PRR14L: variants seen among roughly 807,000 people sequenced by gnomAD.
PRR14L encodes proline rich 14 like.
PRR14L carries 80 observed loss-of-function variants against 155.0 expected under a neutral mutation model. The observed-to-expected ratio is 0.52, with a 90% confidence interval of 0.43 to 0.62. PRR14L has a LOEUF of 0.62. PRR14L is among the 20% of genes least tolerant of loss of function. The probability of loss-of-function intolerance (pLI) is 0.00; values close to 1 mark genes in which losing one functional copy is unlikely to be tolerated. For synonymous variants in PRR14L, 883 were observed against 916.0 expected (o/e 0.96, Z 0.65); for missense variants, 2,469 against 2,548.0 (o/e 0.97, Z 0.67).
chr22:31,746,072 G>C (rs565456958), intron 1 of PRR14L, among the ~76,000 whole-genome samples: 45 of 151,992 alleles, frequency 3.0e-4, no homozygotes, highest in African/African-American at 1.0e-3. Flanking sequence ...CAGGACTACA[G>C]GCGCGAGGCA....
At chr22:31,719,190 C>G (rs1046997683) in intron 3 of PRR14L, among the ~76,000 whole-genome samples, 2 of 151,944 alleles carry the variant, frequency 1.3e-5, no homozygotes, top group Admixed American at 6.6e-5. Flanking sequence ...AATGCTTGAG[C>G]CCAGAAGTTT....
chr22:31,720,718 CAGTG>C (rs1339567153), intron 3 of PRR14L, among the ~76,000 whole-genome samples: 1 of 152,128 alleles, frequency 6.6e-6, no homozygotes, highest in Non-Finnish European at 1.5e-5. Context: ...CTGGGCGACA[CAGTG>C]AGAACCCATC....
intron 2 of PRR14L, among the ~76,000 whole-genome samples, chr22:31,733,424 C>T (rs2074761668): frequency 3.7e-5 from 5 of 135,310 alleles, no homozygotes. Context: ...CCCGCCTCAG[C>T]CTCCCAAGTA....
intron 2 of PRR14L, among the ~76,000 whole-genome samples, chr22:31,733,565 G>A (rs547301010): frequency 2.5e-4 from 38 of 151,970 alleles, no homozygotes; most frequent in Non-Finnish European, 4.7e-4. Flanking sequence ...TCGGCCCCCC[G>A]AAGCGCTAGG....
At position 31,717,089 on chromosome 22, in the gene PRR14L, A is replaced by G; in HGVS notation, c.750T>C (p.Val250=). ...SDEVSETSTL[V]TPEPLTFVDP... ...CCACAAAGGTTAAAGGTTCTGGGGTAACTAATGTGCTGGTTTCTGAAACCT... is the reference window on the plus strand; with the variant it reads ...CCACAAAGGTTAAAGGTTCTGGGGTGACTAATGTGCTGGTTTCTGAAACCT... The change falls in exon 4 of 9, where the codon GTT becomes GTC. Residue 250 remains valine (V), a synonymous_variant. Transcript: ENST00000327423. 1.3e-6 allele frequency: 2 copies of G among 1,552,038 alleles called. No homozygotes were observed. The highest frequency in any genetic ancestry group is 1.7e-6 in the Non-Finnish European group (2 of 1,147,012).
intron 2 of PRR14L, among the ~76,000 whole-genome samples, chr22:31,734,755 C>T (rs1299030117): frequency 2.0e-5 from 3 of 152,142 alleles, no homozygotes; most frequent in African/African-American, 4.8e-5. Flanking sequence ...AGTGTGAATA[C>T]TTATCCATGA....
At chr22:31,688,013 C>G in intron 8 of PRR14L, 143 bp downstream of exon 8, 1 of 753,106 alleles carries the variant, frequency 1.3e-6, no homozygotes. Flanking sequence ...GCCTGGGCGA[C>G]AGAGACTCTG....
intron 4 of PRR14L, 115 bp from the exon 5 acceptor site, chr22:31,704,841 A>G: frequency 2.9e-6 from 2 of 691,058 alleles, no homozygotes; most frequent in Non-Finnish European, 5.0e-6. Context: ...AAGAAATGTC[A>G]GTTACTCAGA....
intron 1 of PRR14L, among the ~76,000 whole-genome samples, chr22:31,740,084 A>T (rs1432502933): frequency 6.6e-6 from 1 of 151,904 alleles, no homozygotes; most frequent in East Asian, 1.9e-4. Context: ...TTTTTTAGAC[A>T]GGATCTTGCT....
At chr22:31,724,844 A>G (rs1035009679) in intron 3 of PRR14L, among the ~76,000 whole-genome samples, 2 of 152,206 alleles carry the variant, frequency 1.3e-5, no homozygotes, top group Non-Finnish European at 2.9e-5. Context: ...CCAACCTAAA[A>G]GTAATAATCT....
chr22:31,704,234 AT>A (rs1174840573), intron 5 of PRR14L, among the ~76,000 whole-genome samples: 3 of 152,212 alleles, frequency 2.0e-5, no homozygotes, highest in Non-Finnish European at 4.4e-5. Flanking sequence ...TGTGTAATCC[AT>A]TTTATTGCTA....
At chr22:31,742,075 T>A (rs1325667228) in intron 1 of PRR14L, among the ~76,000 whole-genome samples, 2 of 152,168 alleles carry the variant, frequency 1.3e-5, no homozygotes, top group African/African-American at 4.8e-5. Context: ...GTGCTCAATT[T>A]TAATTTGGTT....
chr22:31,691,683 A>T (rs2074512525), intron 7 of PRR14L, among the ~76,000 whole-genome samples: 1 of 152,064 alleles, frequency 6.6e-6, no homozygotes. Context: ...TTCATAGTTA[A>T]CTCCTGTTGT....
At chr22:31,707,684 C>T (rs914977820) in intron 4 of PRR14L, among the ~76,000 whole-genome samples, 117 of 152,042 alleles carry the variant, frequency 7.7e-4, no homozygotes, top group Admixed American at 6.6e-5. Context: ...TGCACCTGGC[C>T]GGAAGTAACA....
chr22:31,730,159 G>A (rs1194320437), intron 2 of PRR14L, among the ~76,000 whole-genome samples: 2 of 149,906 alleles, frequency 1.3e-5, no homozygotes, highest in Non-Finnish European at 3.0e-5. Context: ...AAAAAAAATC[G>A]CCGGGCGCTG....
At chr22:31,733,298 G>GCTTTTTTTT (rs2074760251) in intron 2 of PRR14L, among the ~76,000 whole-genome samples, 1 of 64,032 alleles carries the variant, frequency 1.6e-5, no homozygotes, top group Admixed American at 2.3e-4. Context: ...CCTGGCCACT[G>GCTTTTTTTT]TTTTTTTTTT....
At chr22:31,720,253 G>A (rs2074682838) in intron 3 of PRR14L, among the ~76,000 whole-genome samples, 1 of 152,264 alleles carries the variant, frequency 6.6e-6, no homozygotes, top group East Asian at 1.9e-4. Context: ...GCTAGACACA[G>A]CGTTTTAAAA....
At chr22:31,708,817 GATTT>G (rs771775260) in intron 4 of PRR14L, among the ~76,000 whole-genome samples, 4 of 151,906 alleles carry the variant, frequency 2.6e-5, no homozygotes, top group East Asian at 1.9e-4. Flanking sequence ...GTAGAGATGG[GATTT>G]ATTTTTTTAT....
At chr22:31,748,276 T>A (rs943198740) in intron 1 of PRR14L, among the ~76,000 whole-genome samples, 9 of 152,204 alleles carry the variant, frequency 5.9e-5, no homozygotes, top group Non-Finnish European at 5.9e-5. Context: ...AAGAGTTTTT[T>A]AATAAAATCC....
Sources: allele counts gnomAD v4.1 joint callset (sites outside exome capture counted in the v4.1 genomes callset), GRCh38; gene constraint gnomAD v4.1.1; transcripts MANE v1.5; gene names NCBI Gene and HGNC (gene_info 2026-07-23, HGNC 2026-07-21).